Variants in PRKCZ observed in about 807,000 individuals in gnomAD.
PRKCZ encodes the protein protein kinase C zeta type.
PRKCZ carries 33 observed loss-of-function variants against 79.5 expected under a neutral mutation model. The ratio of observed to expected loss-of-function variants is 0.41; its 90% CI spans 0.31 to 0.55. PRKCZ has a LOEUF of 0.55. Among genes scored for constraint, PRKCZ ranks in the 20% least tolerant of loss-of-function variants. The pLI is 0.19. For missense variants in PRKCZ, 578 were observed against 813.5 expected (o/e 0.71, Z 3.52); for synonymous variants, 342 against 320.9 (o/e 1.07, Z -0.70).
chr1:2,099,799 T>C (rs1386484585), intron 4 of PRKCZ, among the ~76,000 whole-genome samples: 1 of 152,208 alleles, frequency 6.6e-6, no homozygotes, highest in Non-Finnish European at 1.5e-5. Context: ...CTATTTCCCG[T>C]TCCAATTAAA....
At chr1:2,135,179 G>C in intron 4 of PRKCZ, 83 bp from the exon 5 acceptor site, 1 of 1,208,192 alleles carries the variant, frequency 8.3e-7, no homozygotes, top group South Asian at 1.4e-5. Context: ...CCACCTGGAC[G>C]GGAGTGGCCT....
intron 4 of PRKCZ, among the ~76,000 whole-genome samples, chr1:2,085,231 A>C (rs371160037): frequency 2.6e-4 from 39 of 152,336 alleles, no homozygotes; most frequent in African/African-American, 8.4e-4. Flanking sequence ...AACTTCAGCA[A>C]CTTTTCCGAG....
intron 4 of PRKCZ, among the ~76,000 whole-genome samples, chr1:2,084,060 C>A (rs1188292400): frequency 6.6e-6 from 1 of 152,116 alleles, no homozygotes; most frequent in Admixed American, 6.5e-5. Flanking sequence ...GATGAAACCC[C>A]ATCTCTACTA....
chr1:2,060,525 G>A (rs963274426), intron 4 of PRKCZ, among the ~76,000 whole-genome samples: 2 of 139,868 alleles, frequency 1.4e-5, no homozygotes, highest in Non-Finnish European at 3.2e-5. Flanking sequence ...CGAGAAGTGG[G>A]GCTGAATAGA....
chr1:2,169,006 C>T (rs2100237702), intron 10 of PRKCZ: 1 of 372,770 alleles, frequency 2.7e-6, no homozygotes, highest in Non-Finnish European at 5.5e-6. Flanking sequence ...CGGGATGCCA[C>T]TTCCCACCTG....
At chr1:2,114,755 A>T (rs1406869621) in intron 4 of PRKCZ, among the ~76,000 whole-genome samples, 1 of 152,142 alleles carries the variant, frequency 6.6e-6, no homozygotes, top group Admixed American at 6.5e-5. Context: ...GCCTGGTGAC[A>T]GAGCGAGACT....
rs1355964253 is a variant in PRKCZ, at chr1:2,094,006, T to C, written c.334+34415T>C. On this transcript the variant is annotated intron_variant, in intron 4 of 17. Transcript: ENST00000378567. This position sits in a 1 kb window ranked among gnomAD's most constrained non-coding sequence, Gnocchi z 7.3. ...TGGAGGAAGTGCTGCCTGACACGTG[T>C]GTCTGCTCCCTGCGGCACGTCCACA... Among the ~76,000 whole-genome samples, 1 of 152,124 alleles carries C rather than the reference T, an allele frequency of 6.6e-6. No individual in the cohort carries two copies. Among genetic ancestry groups the C allele is most frequent in the Non-Finnish European group, 1.5e-5 (1 of 68,014 alleles).
intron 5 of PRKCZ, among the ~76,000 whole-genome samples, chr1:2,138,018 C>G (rs1676570407): frequency 6.6e-6 from 1 of 152,224 alleles, no homozygotes; most frequent in Admixed American, 6.5e-5. Flanking sequence ...TGTGCCCGGG[C>G]TCTGATCTCG....
rs1268977723 is a variant in PRKCZ, at chr1:2,127,022, C to T, written c.335-8240C>T. Among the ~76,000 whole-genome samples the T allele has an allele frequency of 1.3e-5, 2 of 152,260 alleles. No individual in the cohort carries two copies. The highest frequency in any genetic ancestry group is 4.8e-5 in the African/African-American group (2 of 41,470). ...ACGGAAGTCGGCAGAGCTTGGCTCC[C>T]TGTTCGCCCGACTGGCGCCTCGGCT... On this transcript the variant is annotated intron_variant, in intron 4 of 17. Transcript: ENST00000378567. The surrounding 1 kb of genome is among the most constrained non-coding windows in gnomAD (Gnocchi z 5.1).
intron 4 of PRKCZ, among the ~76,000 whole-genome samples, chr1:2,079,946 G>A (rs1055770074): frequency 8.5e-5 from 13 of 152,186 alleles, no homozygotes; most frequent in African/African-American, 2.2e-4. Context: ...AAGCCCTCTC[G>A]TTCCCTGGCT....
At chr1:2,083,927 G>A (rs896064911) in intron 4 of PRKCZ, among the ~76,000 whole-genome samples, 14 of 152,296 alleles carry the variant, frequency 9.2e-5, no homozygotes, top group African/African-American at 3.4e-4. Flanking sequence ...TTACGCGTGC[G>A]TGTGTTTTAA....
intron 1 of PRKCZ, among the ~76,000 whole-genome samples, chr1:2,053,281 A>G (rs561100734): frequency 6.6e-6 from 1 of 152,206 alleles, no homozygotes; most frequent in South Asian, 2.1e-4. Context: ...TTGTAGTTTT[A>G]GTAGAGATGA....
chr1:2,133,536 C>T (rs1425870995), intron 4 of PRKCZ: 5 of 149,264 alleles, frequency 3.3e-5, no homozygotes, highest in Non-Finnish European at 7.4e-5. Flanking sequence ...TCCACCCCCC[C>T]CAGCTGTGCA....
At chr1:2,130,237 T>A (rs1002806248) in intron 4 of PRKCZ, among the ~76,000 whole-genome samples, 3 of 152,254 alleles carry the variant, frequency 2.0e-5, no homozygotes, top group African/African-American at 7.2e-5. Flanking sequence ...CAGGCTGCCC[T>A]GCTGTCCGTT....
chr1:2,057,961 G>A (rs953780635), intron 3 of PRKCZ, among the ~76,000 whole-genome samples: 1 of 151,768 alleles, frequency 6.6e-6, no homozygotes, highest in Non-Finnish European at 1.5e-5. Flanking sequence ...TCCGCCTCCC[G>A]GGTTCAAGCA....
chr1:2,113,083 G>A (rs566029177), intron 4 of PRKCZ, among the ~76,000 whole-genome samples: 1 of 152,360 alleles, frequency 6.6e-6, no homozygotes, highest in African/African-American at 2.4e-5. Flanking sequence ...GAGGCTGGCC[G>A]GGTCACCCAG....
intron 16 of PRKCZ, chr1:2,183,423 GTGAA>G (rs1202018929): frequency 1.3e-5 from 2 of 152,448 alleles, no homozygotes; most frequent in East Asian, 1.9e-4. Context: ...GAGTGAGTGA[GTGAA>G]TGAGTGAATG....
At chr1:2,160,922 G>T (rs1245522075) in intron 10 of PRKCZ, among the ~76,000 whole-genome samples, 2 of 152,150 alleles carry the variant, frequency 1.3e-5, no homozygotes, top group Non-Finnish European at 2.9e-5. Flanking sequence ...TGACCCTGGG[G>T]TGCTGCCTCC....
At chr1:2,093,954 A>AGCCAGGCCAGCAGC (rs1204483526) in intron 4 of PRKCZ, among the ~76,000 whole-genome samples, 1 of 151,912 alleles carries the variant, frequency 6.6e-6, no homozygotes, top group African/African-American at 2.4e-5. Flanking sequence ...GGGCAGAGGG[A>AGCCAGGCCAGCAGC]GCCAGGCCAG....
Sources: gnomAD v4.1 joint callset for allele counts (sites outside exome capture counted in the v4.1 genomes callset) on GRCh38, gnomAD v4.1.1 for gene constraint, Gnocchi (gnomAD v3.1) non-coding constraint, MANE v1.5 for transcripts, NCBI Gene and HGNC (gene_info 2026-07-23, HGNC 2026-07-21) for gene names.